The following KAZN variants were observed in gnomAD, a reference collection of about 807,000 sequenced individuals.
The protein encoded by KAZN is kazrin, periplakin interacting protein, also known as kazrin.
Under a neutral mutation model 87.4 loss-of-function variants are expected in KAZN, and 40 were observed. The ratio of observed to expected loss-of-function variants is 0.46; its 90% CI spans 0.36 to 0.60. The LOEUF (loss-of-function observed/expected upper bound fraction) is 0.60, where lower values mean the gene tolerates loss of function less well. Among genes scored for constraint, KAZN ranks in the 20% least tolerant of loss-of-function variants. The pLI is 0.00. For synonymous variants in KAZN, 466 were observed against 458.3 expected (o/e 1.02, Z -0.22); for missense variants, 898 against 1,073.9 (o/e 0.84, Z 2.29).
At chr1:14,829,463 G>A (rs1470067953) in intron 1 of KAZN, among the ~76,000 whole-genome samples, 7 of 152,152 alleles carry the variant, frequency 4.6e-5, no homozygotes, top group African/African-American at 1.4e-4. Flanking sequence ...CCAGCTACTC[G>A]GGAGGCTGAG....
rs113624018 is a variant in KAZN at position 14,724,452 on chromosome 1, A to G, written c.226+125229A>G. The stretch of plus-strand genomic sequence containing the variant: ...CCTTTTTTGTGGCCTTAATTCCATG[A>G]ATACAAACAATAATTACCAACCTAA... On this transcript the variant is annotated intron_variant, in intron 1 of 14. Coordinates refer to ENST00000376030, the MANE Select transcript of KAZN (RefSeq NM_201628.3). 1.8e-3 allele frequency among the ~76,000 whole-genome samples: 276 copies of G among 152,318 alleles called. 2 individuals carry two copies. The highest frequency in any genetic ancestry group is 5.9e-3 in the African/African-American group (245 of 41,554).
intron 2 of KAZN, among the ~76,000 whole-genome samples, chr1:14,540,968 A>C (rs943385495): frequency 6.6e-6 from 1 of 152,212 alleles, no homozygotes; most frequent in African/African-American, 2.4e-5. Flanking sequence ...TAGATGAACA[A>C]GGACAGGAGC....
chr1:14,105,033 C>T (rs1275778119), intron 1 of KAZN, among the ~76,000 whole-genome samples: 6 of 152,148 alleles, frequency 3.9e-5, no homozygotes, highest in Admixed American at 6.5e-5. Flanking sequence ...TTGGAACTCT[C>T]ATAAGCGCTG....
chr1:14,594,350 T>C (rs1283029437), upstream of KAZN, among the ~76,000 whole-genome samples: 1 of 152,120 alleles, frequency 6.6e-6, no homozygotes, highest in African/African-American at 2.4e-5. Flanking sequence ...GGGAAGCTGG[T>C]TTTGCAGACT....
In KAZN at chr1:14,662,930, ATATT is replaced by A. The variant is rs1313807451; in HGVS notation, c.226+63708_226+63711del. 2.1e-5 allele frequency among the ~76,000 whole-genome samples: 3 copies of A among 142,642 alleles called. No individual in the cohort carries two copies. In the Admixed American group the frequency reaches 2.1e-4, roughly 10 times the overall value. The allele number at this position is 142,642 out of a possible 152,430, so 93.6% of individuals were successfully genotyped here. A position where few individuals can be genotyped will look rare whatever the true frequency, so the allele number is the denominator to read the frequency against. ...TATATATATACACATATATATGTAT[ATATT>A]ATATATGTAAATATATATATATATG... is the stretch of plus-strand genomic sequence containing the variant. On this transcript the variant is annotated intron_variant, in intron 1 of 14. Transcript: ENST00000376030.
intron 2 of KAZN, among the ~76,000 whole-genome samples, chr1:14,316,776 T>C (rs981569955): frequency 1.3e-5 from 2 of 152,030 alleles, no homozygotes; most frequent in Non-Finnish European, 2.9e-5. Context: ...ACACATGATT[T>C]GTTTTTTTGC....
At chr1:14,859,069 T>C (rs1010785236) in intron 1 of KAZN, among the ~76,000 whole-genome samples, 4 of 151,920 alleles carry the variant, frequency 2.6e-5, no homozygotes, top group Middle Eastern at 3.2e-3. Context: ...TAGCCGGGCG[T>C]GGTGGCGGGC....
At chr1:13,924,571 G>C (rs7523267) in intron 1 of KAZN, among the ~76,000 whole-genome samples, 69,194 of 151,986 alleles carry the variant, frequency 0.46, 15,951 homozygotes, top group African/African-American at 0.5. Context: ...AGTCATCCCT[G>C]TGCTCACTGA....
Position 14,769,506 on chromosome 1 carries a change from C to G in KAZN, c.226+170283C>G, listed in dbSNP as rs1297791661. Among the ~76,000 whole-genome samples, 1 of 152,116 alleles carries G rather than the reference C, an allele frequency of 6.6e-6. No homozygotes were observed. The highest frequency in any genetic ancestry group is 6.5e-5 in the Admixed American group (1 of 15,278). ...AGTATCTGGGATTACAGGCGCCCAC[C>G]ACCACGCCCGGCTAATTTTGTATTT... On this transcript the variant is annotated intron_variant, in intron 1 of 14. Coordinates refer to ENST00000376030, the MANE Select transcript of KAZN (RefSeq NM_201628.3). This position sits in a 1 kb window ranked among gnomAD's most constrained non-coding sequence, Gnocchi z 4.1.
At chr1:14,357,295 TTGC>T (rs1220184475) in intron 2 of KAZN, among the ~76,000 whole-genome samples, 2 of 152,224 alleles carry the variant, frequency 1.3e-5, no homozygotes, top group Admixed American at 1.3e-4. Flanking sequence ...TTTGCTGAAG[TTGC>T]TTATCAGCTT....
At chr1:14,597,447 G>A (rs141784564), upstream of KAZN, among the ~76,000 whole-genome samples, 2 of 152,146 alleles carry the variant, frequency 1.3e-5, no homozygotes, top group Admixed American at 6.6e-5. Context: ...TTCCAGTCCC[G>A]CTGTCACCTG....
chr1:13,985,147 T>A (rs917389191), intron 1 of KAZN, among the ~76,000 whole-genome samples: 2 of 152,156 alleles, frequency 1.3e-5, no homozygotes, highest in Admixed American at 6.5e-5. Flanking sequence ...TTTATATATC[T>A]ATCTAGGGAA....
chr1:14,752,702 C>G (rs1644445892), intron 1 of KAZN, among the ~76,000 whole-genome samples: 1 of 152,144 alleles, frequency 6.6e-6, no homozygotes, highest in Non-Finnish European at 1.5e-5. Context: ...ACTCTTAATA[C>G]TATCACATTG....
intron 13 of KAZN, among the ~76,000 whole-genome samples, chr1:15,111,598 A>G (rs1354868765): frequency 6.6e-6 from 1 of 152,292 alleles, no homozygotes; most frequent in Non-Finnish European, 1.5e-5. Flanking sequence ...ATTTCTTTCA[A>G]TGAGTCTACC....
At chr1:14,689,192 CTCAAA>C (rs1367415438) in intron 1 of KAZN, among the ~76,000 whole-genome samples, 1 of 135,420 alleles carries the variant, frequency 7.4e-6, no homozygotes, top group Non-Finnish European at 1.6e-5. Flanking sequence ...CAGACTCTGT[CTCAAA>C]ACAAAACAAA....
chr1:14,062,272 G>A (rs552589723), intron 1 of KAZN, among the ~76,000 whole-genome samples: 108 of 152,262 alleles, frequency 7.1e-4, no homozygotes, highest in Non-Finnish European at 1.2e-3. Flanking sequence ...GAGGGAAGTG[G>A]TAACCGTTGT....
At chr1:14,346,993 A>G (rs965630360) in intron 2 of KAZN, among the ~76,000 whole-genome samples, 7 of 152,206 alleles carry the variant, frequency 4.6e-5, no homozygotes, top group Non-Finnish European at 8.8e-5. Flanking sequence ...GCTATGGGGA[A>G]GGAAATACAA....
chr1:14,376,439 G>A (rs1005597484), intron 2 of KAZN, among the ~76,000 whole-genome samples: 2 of 152,094 alleles, frequency 1.3e-5, no homozygotes, highest in Non-Finnish European at 2.9e-5. Context: ...GTGGGTTCCT[G>A]ATAAAAAGGA....
chr1:14,414,140 G>A (rs1664547201), intron 2 of KAZN, among the ~76,000 whole-genome samples: 1 of 152,180 alleles, frequency 6.6e-6, no homozygotes, highest in South Asian at 2.1e-4. Context: ...TGAGGATGTA[G>A]AGACATAGGA....
Sources: gnomAD v4.1 joint callset for allele counts (sites outside exome capture counted in the v4.1 genomes callset) on GRCh38, gnomAD v4.1.1 for gene constraint, Gnocchi (gnomAD v3.1) non-coding constraint, MANE v1.5 for transcripts, NCBI Gene and HGNC (gene_info 2026-07-23, HGNC 2026-07-21) for gene names.